Variants in USP40 observed in about 807,000 individuals in gnomAD.
USP40 encodes ubiquitin carboxyl-terminal hydrolase 40.
A neutral mutation model predicts 166.2 loss-of-function variants in USP40; 143 were observed. The observed-to-expected ratio is 0.86, with a 90% confidence interval of 0.75 to 0.99. USP40 has a LOEUF of 0.99. Ranked by LOEUF, USP40 falls within the 50% of genes least tolerant of loss-of-function variation. The pLI is 0.00. For missense variants in USP40, 1,444 were observed against 1,479.7 expected (o/e 0.98, Z 0.40); for synonymous variants, 498 against 524.0 (o/e 0.95, Z 0.68).
chr2:233,564,173 T>C (rs899874784), intron 2 of USP40, among the ~76,000 whole-genome samples: 7 of 152,088 alleles, frequency 4.6e-5, no homozygotes, highest in African/African-American at 1.7e-4. Context: ...CAGCGGTAAA[T>C]ATTTACTAAA....
At chr2:233,494,959 TA>T (rs1469018915) in intron 24 of USP40, among the ~76,000 whole-genome samples, 2 of 49,688 alleles carry the variant, frequency 4.0e-5, no homozygotes, top group South Asian at 5.0e-4. Context: ...TATATATTTA[TA>T]TATATATATA....
At position 233,556,987 on chromosome 2, in the gene USP40, A is replaced by T; in HGVS notation, c.414T>A (p.Asn138Lys). 1 of 1,613,890 alleles carries T rather than the reference A, an allele frequency of 6.2e-7. No individual in the cohort carries two copies. The highest frequency in any genetic ancestry group is 8.5e-7 in the Non-Finnish European group (1 of 1,179,842). Residue 138 changes from asparagine (N) to lysine (K), a missense_variant, in exon 5 of 32, where the codon AAT (asparagine) becomes AAA (lysine). Asn to Lys is a moderately conservative substitution (Grantham distance 94). Coordinates refer to ENST00000678225, the MANE Select transcript of USP40 (RefSeq NM_001365479.2). ...EMRQHDVQEL[N>K]RILFSALETS... ...TTTCCAAAGCGCTGAAGAGGATTCG[A>T]TTCAGTTCCTGCACATCATGTTGCC...
chr2:233,489,513 G>T, intron 26 of USP40, 30 bp from the exon 27 acceptor site: 1 of 1,536,412 alleles, frequency 6.5e-7, no homozygotes, highest in East Asian at 2.4e-5. Flanking sequence ...TTTCTCCAAC[G>T]GTTTTAAAAA....
chr2:233,510,184 TC>T, intron 20 of USP40, 49 bp from the exon 21 acceptor site: 2 of 1,388,786 alleles, frequency 1.4e-6, no homozygotes, highest in Non-Finnish European at 2.0e-6. Context: ...AATTTAAAAA[TC>T]CAATAAATGT....
intron 16 of USP40, 74 bp downstream of exon 16, chr2:233,523,096 C>A: frequency 7.0e-7 from 1 of 1,437,170 alleles, no homozygotes; most frequent in Admixed American, 2.2e-5. Flanking sequence ...TAAAATAAAG[C>A]TTTAGAGTTC....
intron 23 of USP40, among the ~76,000 whole-genome samples, chr2:233,497,583 C>A (rs911598639): frequency 9.2e-5 from 14 of 152,150 alleles, no homozygotes. Flanking sequence ...GGGAAAGATA[C>A]CTGGCAAGGC....
intron 30 of USP40, 66 bp downstream of exon 30, chr2:233,485,465 G>A (rs62192762): frequency 0.031 from 37,220 of 1,209,154 alleles, 702 homozygotes; most frequent in Non-Finnish European, 0.039. Context: ...TCAATAAAAC[G>A]TCTCTATAAA....
At chr2:233,530,842 AT>A (rs2068463832) in intron 11 of USP40, among the ~76,000 whole-genome samples, 1 of 152,084 alleles carries the variant, frequency 6.6e-6, no homozygotes, top group South Asian at 2.1e-4. Flanking sequence ...TTTGTCATAT[AT>A]TTTACTGTTT....
intron 1 of USP40, among the ~76,000 whole-genome samples, chr2:233,565,941 T>A (rs2125420653): frequency 6.6e-6 from 1 of 152,234 alleles, no homozygotes; most frequent in East Asian, 1.9e-4. Flanking sequence ...CTAATTTTTT[T>A]AAAAAAGAAA....
intron 2 of USP40, among the ~76,000 whole-genome samples, chr2:233,563,900 AC>A (rs1242048413): frequency 6.6e-6 from 1 of 151,620 alleles, no homozygotes; most frequent in African/African-American, 2.4e-5. Context: ...ACGCTCCATG[AC>A]CCGCCCTACA....
chr2:233,478,509 T>A (rs2064331291), intron 31 of USP40, among the ~76,000 whole-genome samples: 1 of 152,230 alleles, frequency 6.6e-6, no homozygotes, highest in Admixed American at 6.5e-5. Flanking sequence ...TACATTTTTA[T>A]TGGATTGGTT....
rs776981404 is a variant in USP40 at position 233,485,939 on chromosome 2, G to A, written c.3236C>T (p.Pro1079Leu). The change falls in exon 29 of 32, where the codon CCT becomes CTT. Residue 1079 changes from proline (P) to leucine (L), a missense_variant. Transcript: ENST00000678225. ...DVLLRTQVRI[P>L]GERTYAPALD... ...GGCAGGGGCATAGGTCCTCTCACCA[G>A]GGATGCGCACCTGTGTCCTCAGCAG... is the stretch of plus-strand genomic sequence containing the variant. 5.2e-5 allele frequency: 83 copies of A among 1,595,740 alleles called. No individual in the cohort carries two copies. The highest frequency in any genetic ancestry group is 6.7e-5 in the Non-Finnish European group (78 of 1,172,360).
rs758479109 is a variant in USP40, at chr2:233,527,523, G to A, written c.1609C>T (p.Gln537Ter). 23 of 1,613,334 alleles carry A rather than the reference G, an allele frequency of 1.4e-5. No individual in the cohort carries two copies. Among genetic ancestry groups the A allele is most frequent in the Non-Finnish European group, 1.9e-5 (22 of 1,179,714 alleles). ...AGAGCCCCATTGAAGAAATGATACTGAGGGCCCAGGTGAAGATGCAATTCA... is the reference window on the plus strand; with the variant it reads ...AGAGCCCCATTGAAGAAATGATACTAAGGGCCCAGGTGAAGATGCAATTCA... ...TFELHLHLGP[Q>*]YHFFNGALHP... Residue 537 changes from glutamine to a stop codon, truncating the protein, a stop_gained, in exon 13 of 32, where the codon CAG becomes TAG. Transcript: ENST00000678225. LOFTEE classifies it high-confidence loss of function.
chr2:233,491,395 T>C (rs1018980963), intron 25 of USP40, 134 bp from the exon 26 acceptor site: 3 of 699,910 alleles, frequency 4.3e-6, no homozygotes, highest in Non-Finnish European at 7.5e-6. Context: ...CCAAGTCTTA[T>C]GAGGAGGCCC....
chr2:233,496,266 C>T (rs1474228272), intron 24 of USP40, among the ~76,000 whole-genome samples: 1 of 152,182 alleles, frequency 6.6e-6, no homozygotes, highest in Non-Finnish European at 1.5e-5. Context: ...TAGTGCTATG[C>T]GATGCTTACG....
At chr2:233,519,898 C>G (rs185540375) in intron 17 of USP40, among the ~76,000 whole-genome samples, 2 of 152,142 alleles carry the variant, frequency 1.3e-5, no homozygotes, top group African/African-American at 4.8e-5. Context: ...TTAATTGGAA[C>G]AGAAAGGACA....
chr2:233,517,551 A>AC (rs2067312551), intron 18 of USP40, among the ~76,000 whole-genome samples: 4 of 151,916 alleles, frequency 2.6e-5, no homozygotes, highest in Admixed American at 1.3e-4. Flanking sequence ...CGCCTGGCTA[A>AC]TTTTTGTTGT....
chr2:233,487,700 G>C (rs2065029586), intron 28 of USP40: 1 of 218,294 alleles, frequency 4.6e-6, no homozygotes, highest in Non-Finnish European at 9.3e-6. Flanking sequence ...AGACAATTTT[G>C]GGTGTATCTT....
intron 27 of USP40, 36 bp downstream of exon 27, chr2:233,489,329 A>G: frequency 6.5e-7 from 1 of 1,527,596 alleles, no homozygotes. Context: ...CGTCAGCAGC[A>G]GAGAGGGACA....
Sources: allele counts gnomAD v4.1 joint callset (sites outside exome capture counted in the v4.1 genomes callset), GRCh38; gene constraint gnomAD v4.1.1; transcripts MANE v1.5; gene names NCBI Gene and HGNC (gene_info 2026-07-23, HGNC 2026-07-21).